The following DNAAF9 variants were observed in gnomAD, a reference collection of about 807,000 sequenced individuals.
DNAAF9 encodes the protein dynein axonemal assembly factor 9.
DNAAF9 carries 90 observed loss-of-function variants against 167.0 expected under a neutral mutation model. That is an observed-to-expected ratio of 0.54 (90% CI 0.45 to 0.64). The LOEUF is 0.64. Ranked by LOEUF, DNAAF9 falls within the 30% of genes least tolerant of loss-of-function variation. DNAAF9 has a pLI of 0.00. For synonymous variants in DNAAF9, 491 were observed against 508.8 expected (o/e 0.96, Z 0.47); for missense variants, 1,315 against 1,442.2 (o/e 0.91, Z 1.43).
chr20:3,390,301 AC>A (rs967990531), intron 1 of DNAAF9, among the ~76,000 whole-genome samples: 34 of 152,236 alleles, frequency 2.2e-4, no homozygotes, highest in African/African-American at 7.9e-4. Context: ...TAAACCACAT[AC>A]GGCAAAATGT....
chr20:3,359,628 G>A (rs1261486251), intron 6 of DNAAF9, 35 bp from the exon 7 acceptor site: 1 of 1,400,624 alleles, frequency 7.1e-7, no homozygotes, highest in South Asian at 1.2e-5. Context: ...AAATAATTAA[G>A]TCAATATCAT....
At chr20:3,314,064 T>C (rs1195543948) in intron 20 of DNAAF9, among the ~76,000 whole-genome samples, 1 of 152,170 alleles carries the variant, frequency 6.6e-6, no homozygotes, top group Non-Finnish European at 1.5e-5. Flanking sequence ...ACCTTGCATG[T>C]TGGGAGGGCT....
rs1183378305 is a variant in DNAAF9 at position 3,407,519 on chromosome 20, G to C, written c.39C>G (p.Arg13=). The change falls in exon 1 of 37, where the codon CGC becomes CGG. Residue 13 remains arginine, a synonymous_variant. Coordinates refer to ENST00000252032, the MANE Select transcript of DNAAF9 (RefSeq NM_001009984.3). ...GGCTGGAGCCGCCAGGGGACCGAGC[G>C]CGGGGCAGCCCCTGCCGGCGCGGGG... is the stretch of plus-strand genomic sequence containing the variant. ...VYPPRRQGLP[R]ARSPGGSSRG... 2 of 1,271,998 alleles carry C rather than the reference G, an allele frequency of 1.6e-6. No homozygotes were observed. Among genetic ancestry groups the C allele is most frequent in the African/African-American group, 1.6e-5 (1 of 64,422 alleles). The allele number at this position is 1,271,998 out of a possible 1,614,324, so 78.8% of individuals were successfully genotyped here. A position where few individuals can be genotyped will look rare whatever the true frequency, so the allele number is the denominator to read the frequency against.
chr20:3,389,155 G>A (rs1253550945), intron 1 of DNAAF9, among the ~76,000 whole-genome samples: 1 of 151,718 alleles, frequency 6.6e-6, no homozygotes, highest in East Asian at 1.9e-4. Context: ...ATTTTTAGTA[G>A]AGATGAGGTT....
chr20:3,313,256 C>G (rs967880215), intron 20 of DNAAF9, among the ~76,000 whole-genome samples: 2 of 152,250 alleles, frequency 1.3e-5, no homozygotes, highest in Non-Finnish European at 2.9e-5. Flanking sequence ...CCTGGGTTCT[C>G]TGCACCAGGA....
At chr20:3,395,633 ACTCTT>A (rs1017716057) in intron 1 of DNAAF9, among the ~76,000 whole-genome samples, 2 of 151,398 alleles carry the variant, frequency 1.3e-5, no homozygotes, top group Non-Finnish European at 2.9e-5. Flanking sequence ...AGTTCCATAA[ACTCTT>A]CTGCTGGGAA....
chr20:3,287,894 G>A, intron 26 of DNAAF9, 104 bp from the exon 27 acceptor site: 1 of 1,013,560 alleles, frequency 9.9e-7, no homozygotes, highest in Non-Finnish European at 1.5e-6. Context: ...AAGCCATTCT[G>A]CCCAGTGAAT....
chr20:3,258,079 T>A (rs923844450), intron 33 of DNAAF9, among the ~76,000 whole-genome samples: 3 of 92,850 alleles, frequency 3.2e-5, no homozygotes, highest in Non-Finnish European at 6.9e-5. Flanking sequence ...TTGGCCAGGC[T>A]GGTCTCGAAC....
At chr20:3,407,073 T>A (rs2084069573) in intron 1 of DNAAF9, among the ~76,000 whole-genome samples, 1 of 152,108 alleles carries the variant, frequency 6.6e-6, no homozygotes. Flanking sequence ...GAGGGAAACA[T>A]TCCCTGGGGA....
chr20:3,324,801 AGGGG>A, intron 14 of DNAAF9, 87 bp downstream of exon 14: 1 of 717,046 alleles, frequency 1.4e-6, no homozygotes, highest in Non-Finnish European at 2.5e-6. Flanking sequence ...CATTTCTCAA[AGGGG>A]AGATGAAATC....
At chr20:3,357,905 G>A (rs1406855093) in intron 7 of DNAAF9, among the ~76,000 whole-genome samples, 1 of 152,050 alleles carries the variant, frequency 6.6e-6, no homozygotes, top group Non-Finnish European at 1.5e-5. Flanking sequence ...AGCTACTCAG[G>A]AGGCTGAGGT....
In DNAAF9 at chr20:3,347,024, T is replaced by C; in HGVS notation, c.789+1501A>G. 1.3e-5 allele frequency among the ~76,000 whole-genome samples: 2 copies of C among 151,106 alleles called. 1 individual carries two copies. The highest frequency in any genetic ancestry group is 2.9e-5 in the Non-Finnish European group (2 of 67,826). On this transcript the variant is annotated intron_variant, in intron 8 of 36. Transcript: ENST00000252032. ...TACAGACCTAGGAAGCTCAACAAAA[T>C]CCAAGCACAAGAAACATGAAGAAAA... is the stretch of plus-strand genomic sequence containing the variant.
chr20:3,344,022 C>T (rs1012155818), intron 8 of DNAAF9, among the ~76,000 whole-genome samples: 1 of 151,952 alleles, frequency 6.6e-6, no homozygotes, highest in Non-Finnish European at 1.5e-5. Context: ...AAGACAAAAA[C>T]CTGCAAAAAG....
intron 30 of DNAAF9, among the ~76,000 whole-genome samples, chr20:3,265,766 C>A (rs1223159828): frequency 7.2e-6 from 1 of 139,774 alleles, no homozygotes; most frequent in African/African-American, 2.7e-5. Context: ...CAACCTCCGC[C>A]TCCTGAGTTC....
chr20:3,293,318 A>AAAG (rs1399533856), intron 25 of DNAAF9, among the ~76,000 whole-genome samples: 3 of 149,766 alleles, frequency 2.0e-5, no homozygotes, highest in Non-Finnish European at 4.5e-5. Context: ...AAAAAAAAAA[A>AAAG]AGAGACTTAT....
intron 1 of DNAAF9, among the ~76,000 whole-genome samples, chr20:3,401,073 C>T (rs957048229): frequency 7.2e-5 from 11 of 152,066 alleles, no homozygotes; most frequent in Non-Finnish European, 1.3e-4. Flanking sequence ...GTTATTACTT[C>T]CGTAGATCTG....
At chr20:3,368,262 T>C (rs1363720670) in intron 6 of DNAAF9, among the ~76,000 whole-genome samples, 1 of 152,210 alleles carries the variant, frequency 6.6e-6, no homozygotes, top group South Asian at 2.1e-4. Flanking sequence ...GGATCCTCTC[T>C]TCTCTATGCT....
intron 7 of DNAAF9, among the ~76,000 whole-genome samples, chr20:3,353,073 T>C (rs1050350697): frequency 4.7e-5 from 7 of 148,934 alleles, no homozygotes; most frequent in Non-Finnish European, 7.4e-5. Context: ...ACACATTATA[T>C]ATAACATGTA....
chr20:3,395,271 G>A (rs1390681678), intron 1 of DNAAF9, among the ~76,000 whole-genome samples: 10 of 147,694 alleles, frequency 6.8e-5, no homozygotes, highest in Admixed American at 2.7e-4. Flanking sequence ...GCGCCTGGCC[G>A]AACATTTTCT....
Sources: gnomAD v4.1 joint callset for allele counts (sites outside exome capture counted in the v4.1 genomes callset) on GRCh38, gnomAD v4.1.1 for gene constraint, MANE v1.5 for transcripts, NCBI Gene and HGNC (gene_info 2026-07-23, HGNC 2026-07-21) for gene names.